PTPRC: variants seen among roughly 807,000 people sequenced by gnomAD.
The protein encoded by PTPRC is protein tyrosine phosphatase receptor type C, also known as receptor-type tyrosine-protein phosphatase C.
PTPRC carries 44 observed loss-of-function variants against 155.9 expected under a neutral mutation model. The observed-to-expected ratio is 0.28, with a 90% CI of 0.22 to 0.36. The LOEUF (loss-of-function observed/expected upper bound fraction) is 0.36, where lower values mean the gene tolerates loss of function less well. Ranked by LOEUF, PTPRC falls within the 10% of genes least tolerant of loss-of-function variation. The pLI is 1.00. For synonymous variants in PTPRC, 525 were observed against 533.1 expected (o/e 0.98, Z 0.21); for missense variants, 1,401 against 1,564.6 (o/e 0.90, Z 1.76).
intron 8 of PTPRC, among the ~76,000 whole-genome samples, chr1:198,705,432 CTTTTTTTTT>C (rs905823899): frequency 1.4e-5 from 2 of 139,436 alleles, no homozygotes; most frequent in Non-Finnish European, 3.1e-5. Context: ...TTCTTTCTTT[CTTTTTTTTT>C]TTTTTTTCTC....
intron 2 of PTPRC, among the ~76,000 whole-genome samples, chr1:198,675,219 A>G (rs535194182): frequency 6.6e-6 from 1 of 152,304 alleles, no homozygotes; most frequent in South Asian, 2.1e-4. Context: ...TACTAGAATA[A>G]TAATTGTATT....
chr1:198,658,914 G>A (rs1177048557), intron 2 of PTPRC, among the ~76,000 whole-genome samples: 1 of 151,970 alleles, frequency 6.6e-6, no homozygotes, highest in Non-Finnish European at 1.5e-5. Flanking sequence ...ATTTGAGAAC[G>A]TTAAGTTGAA....
intron 2 of PTPRC, among the ~76,000 whole-genome samples, chr1:198,655,979 G>A (rs567133511): frequency 6.6e-6 from 1 of 152,100 alleles, no homozygotes; most frequent in African/African-American, 2.4e-5. Flanking sequence ...CACCCACTAA[G>A]CATCACTCAC....
At chr1:198,695,421 C>CAAAAA (rs11362541) in intron 3 of PTPRC, among the ~76,000 whole-genome samples, 1 of 123,538 alleles carries the variant, frequency 8.1e-6, no homozygotes, top group African/African-American at 3.0e-5. Context: ...ATATGTTAAG[C>CAAAAA]AAAAAAAAAA....
intron 13 of PTPRC, 124 bp from the exon 14 acceptor site, chr1:198,717,970 A>G: frequency 2.5e-6 from 2 of 802,598 alleles, no homozygotes; most frequent in South Asian, 3.1e-5. Context: ...TACTATCATA[A>G]CTTCCTTATT....
chr1:198,653,038 T>G, intron 2 of PTPRC, among the ~76,000 whole-genome samples: 1 of 151,838 alleles, frequency 6.6e-6, no homozygotes, highest in East Asian at 1.9e-4. Context: ...AATGTAAAAT[T>G]TGTGCCAGTT....
At chr1:198,739,999 T>G (rs893721631) in intron 23 of PTPRC, among the ~76,000 whole-genome samples, 3 of 151,742 alleles carry the variant, frequency 2.0e-5, no homozygotes, top group African/African-American at 7.3e-5. Context: ...ACTAAGGAAA[T>G]TTTAAAATTT....
At chr1:198,661,494 CTCTA>C (rs1242973102) in intron 2 of PTPRC, among the ~76,000 whole-genome samples, 3 of 151,698 alleles carry the variant, frequency 2.0e-5, no homozygotes, top group Admixed American at 6.6e-5. Context: ...CTTTAATATT[CTCTA>C]TCTGTTGTAA....
chr1:198,656,108 A>G (rs1359036635), intron 2 of PTPRC, among the ~76,000 whole-genome samples: 1 of 152,122 alleles, frequency 6.6e-6, no homozygotes, highest in Non-Finnish European at 1.5e-5. Context: ...AACTATTAGA[A>G]AAATTTAAGA....
intron 2 of PTPRC, among the ~76,000 whole-genome samples, chr1:198,690,135 G>A (rs1665851606): frequency 6.6e-6 from 1 of 152,094 alleles, no homozygotes; most frequent in East Asian, 1.9e-4. Flanking sequence ...GATATGTGTT[G>A]TATAAAGTAT....
rs76109300 is a variant in PTPRC at position 198,746,592 on chromosome 1, C to T, written c.2848-1517C>T. Among the ~76,000 whole-genome samples, 440 of 151,842 alleles carry T rather than the reference C, an allele frequency of 2.9e-3. 1 individual carries two copies. The highest frequency in any genetic ancestry group is 0.01 in the African/African-American group (415 of 41,444). On this transcript the variant is annotated intron_variant, in intron 26 of 32. Coordinates refer to ENST00000442510, the MANE Select transcript of PTPRC (RefSeq NM_002838.5). The stretch of plus-strand genomic sequence containing the variant: ...GCACTGATGGGTTAGATGTAAGAGA[C>T]TGGGTTGTATCTGAGGATACAAATA...
Position 198,755,807 on chromosome 1 carries a change from T to G in PTPRC, c.3646-99T>G. On this transcript the variant is annotated intron_variant, in intron 32 of 32. Transcript: ENST00000442510. The stretch of plus-strand genomic sequence containing the variant: ...AAAGTACTTTTCTGTCATCCAATAC[T>G]TCCACAAATAAATCATTAGTTCTTG... The G allele has an allele frequency of 3.1e-6, 4 of 1,298,262 alleles. No homozygotes were observed. In the East Asian group the frequency reaches 9.3e-5, roughly 30 times the overall value. The allele number at this position is 1,298,262 out of a possible 1,614,324, so 80.4% of individuals were successfully genotyped here.
At chr1:198,651,292 T>TTGTGTGTGTG (rs67899145) in intron 2 of PTPRC, among the ~76,000 whole-genome samples, 3,341 of 147,880 alleles carry the variant, frequency 0.023, 54 homozygotes, top group African/African-American at 0.047. Context: ...CAGATTGGGA[T>TTGTGTGTGTG]TGTGTGTGTG....
intron 15 of PTPRC, among the ~76,000 whole-genome samples, chr1:198,722,877 C>A (rs1215781026): frequency 6.6e-6 from 1 of 151,604 alleles, no homozygotes; most frequent in African/African-American, 2.4e-5. Context: ...TCTTGATTTA[C>A]TTAATGGAAG....
chr1:198,677,254 C>G (rs1665006939), intron 2 of PTPRC, among the ~76,000 whole-genome samples: 1 of 152,200 alleles, frequency 6.6e-6, no homozygotes, highest in South Asian at 2.1e-4. Flanking sequence ...TGGGATTAAT[C>G]ACCTACTGAA....
At chr1:198,743,067 C>CAAAAAAAAAAAAAAAAAAAAAAAA (rs10628640) in intron 25 of PTPRC, among the ~76,000 whole-genome samples, 2 of 75,936 alleles carry the variant, frequency 2.6e-5, no homozygotes, top group East Asian at 8.7e-4. Context: ...GTCAAAATAG[C>CAAAAAAAAAAAAAAAAAAAAAAAA]AAAAAAAAAA....
intron 2 of PTPRC, among the ~76,000 whole-genome samples, chr1:198,650,401 G>T (rs1663180521): frequency 6.6e-6 from 1 of 151,784 alleles, no homozygotes; most frequent in Non-Finnish European, 1.5e-5. Flanking sequence ...AAAGGGGATG[G>T]TGATCTGGAC....
chr1:198,728,347 T>G lies in PTPRC; in HGVS notation c.1728T>G (p.Ser576=). Reference sequence around the variant, plus strand: ...ATTATTTTTCATTTCTAGATAATTCTAAGGCACTGATAGCATTTCTGGCAT... The same window carrying G: ...ATTATTTTTCATTTCTAGATAATTCGAAGGCACTGATAGCATTTCTGGCAT... ...FILHHSTSYN[S]KALIAFLAFL... The change falls in exon 16 of 33, where the codon TCT becomes TCG. Residue 576 remains serine (S), a synonymous_variant. Transcript: ENST00000442510. 1 of 1,612,130 alleles carries G rather than the reference T, an allele frequency of 6.2e-7. No homozygotes were observed. The highest frequency in any genetic ancestry group is 1.7e-4 in the Middle Eastern group (1 of 6,052).
At chr1:198,722,555 T>C (rs917084553) in intron 15 of PTPRC, 79 bp downstream of exon 15, 103 of 795,800 alleles carry the variant, frequency 1.3e-4, no homozygotes, top group Non-Finnish European at 1.6e-4. Context: ...TTTACACTTA[T>C]AATCACATTT....
Sources: gnomAD v4.1 joint callset for allele counts (sites outside exome capture counted in the v4.1 genomes callset) on GRCh38, gnomAD v4.1.1 for gene constraint, MANE v1.5 for transcripts, NCBI Gene and HGNC (gene_info 2026-07-23, HGNC 2026-07-21) for gene names.